Variants in NAALADL2 observed in about 807,000 individuals in gnomAD.
NAALADL2 encodes inactive N-acetylated-alpha-linked acidic dipeptidase-like protein 2.
In NAALADL2, 76 loss-of-function variants were observed where a neutral mutation model predicts 87.2. The ratio of observed to expected loss-of-function variants is 0.87; its 90% CI spans 0.72 to 1.05. NAALADL2 has a LOEUF of 1.05. NAALADL2 is among the 50% of genes least tolerant of loss of function. The pLI, the probability that NAALADL2 is intolerant of heterozygous loss-of-function variation, is 0.00. For missense variants in NAALADL2, 1,089 were observed against 945.8 expected (o/e 1.15, Z -1.99); for synonymous variants, 354 against 331.0 (o/e 1.07, Z -0.75).
chr3:174,939,953 A>G (rs1738312160), intron 1 of NAALADL2, among the ~76,000 whole-genome samples: 1 of 152,132 alleles, frequency 6.6e-6, no homozygotes, highest in Admixed American at 6.6e-5. Context: ...ATCTGCAAAT[A>G]GAAATAGCTT....
chr3:175,414,057 G>A (rs1311683534), intron 5 of NAALADL2, among the ~76,000 whole-genome samples: 1 of 152,030 alleles, frequency 6.6e-6, no homozygotes, highest in East Asian at 1.9e-4. Flanking sequence ...TTCCCCATTG[G>A]CTAAATGGCT....
chr3:175,770,420 C>G (rs758471246), intron 13 of NAALADL2, among the ~76,000 whole-genome samples: 1 of 152,148 alleles, frequency 6.6e-6, no homozygotes. Context: ...GGCGAGATTA[C>G]TTTTGTTATG....
chr3:174,804,848 T>C (rs917530390), intron 3 of NAALADL2, among the ~76,000 whole-genome samples: 3 of 152,186 alleles, frequency 2.0e-5, no homozygotes, highest in Non-Finnish European at 4.4e-5. Context: ...TTTGTATTAA[T>C]ATATTTATTA....
intron 1 of NAALADL2, among the ~76,000 whole-genome samples, chr3:174,880,515 A>G (rs1729064569): frequency 6.6e-6 from 1 of 151,964 alleles, no homozygotes; most frequent in Non-Finnish European, 1.5e-5. Context: ...TCTTGTTTGC[A>G]ATATCTGACT....
intron 5 of NAALADL2, among the ~76,000 whole-genome samples, chr3:175,335,509 T>C (rs1761885231): frequency 6.6e-6 from 1 of 152,252 alleles, no homozygotes; most frequent in Non-Finnish European, 1.5e-5. Flanking sequence ...GTATGCTTCA[T>C]GAATTCTTTT....
chr3:174,488,951 A>C (rs1718022412), intron 1 of NAALADL2, among the ~76,000 whole-genome samples: 1 of 151,988 alleles, frequency 6.6e-6, no homozygotes, highest in Non-Finnish European at 1.5e-5. Context: ...ACCATTGCCC[A>C]GTTGTGAGAT....
intron 5 of NAALADL2, among the ~76,000 whole-genome samples, chr3:175,398,989 C>A (rs190043253): frequency 6.6e-6 from 1 of 150,984 alleles, no homozygotes; most frequent in Admixed American, 6.6e-5. Context: ...AGAGCATTCT[C>A]GAAAGTAAGA....
In NAALADL2 at chr3:175,199,487, T is replaced by A. The variant is rs150784790; in HGVS notation, c.546-34444T>A. ...AATATGTAAATAATGTTTGCAGGCA[T>A]CCAAGGGATGAGACTGTGTGTGTGC... On this transcript the variant is annotated intron_variant, in intron 2 of 13. Coordinates refer to ENST00000454872, the MANE Select transcript of NAALADL2 (RefSeq NM_207015.3). Among the ~76,000 whole-genome samples, 123 of 152,112 alleles carry A rather than the reference T, an allele frequency of 8.1e-4. No homozygotes were observed. The East Asian group carries it at 0.023, about 29-fold the overall frequency.
At chr3:175,716,594 T>C (rs1278690568) in intron 11 of NAALADL2, among the ~76,000 whole-genome samples, 1 of 151,940 alleles carries the variant, frequency 6.6e-6, no homozygotes, top group Non-Finnish European at 1.5e-5. Flanking sequence ...GAAAAGTACA[T>C]GCAAATTCAT....
chr3:174,511,301 T>C (rs1433063402), intron 1 of NAALADL2, among the ~76,000 whole-genome samples: 2 of 152,022 alleles, frequency 1.3e-5, no homozygotes, highest in Non-Finnish European at 2.9e-5. Flanking sequence ...TAGTTCTCTT[T>C]AAGTTCTGTA....
chr3:174,682,699 C>A (rs959838491), intron 2 of NAALADL2, among the ~76,000 whole-genome samples: 2 of 152,120 alleles, frequency 1.3e-5, no homozygotes, highest in Non-Finnish European at 2.9e-5. Context: ...TGTGGTGGCC[C>A]CTAATGCAGA....
chr3:174,888,228 G>T (rs763858547), intron 1 of NAALADL2, among the ~76,000 whole-genome samples: 9 of 152,212 alleles, frequency 5.9e-5, no homozygotes, highest in Non-Finnish European at 1.3e-4. Flanking sequence ...GCTGTGCAAT[G>T]ATGTCGTGGA....
intron 2 of NAALADL2, among the ~76,000 whole-genome samples, chr3:175,180,163 A>G (rs1222690767): frequency 6.6e-6 from 1 of 151,956 alleles, no homozygotes; most frequent in Non-Finnish European, 1.5e-5. Context: ...TGATTTAGAT[A>G]ACTGAATTCG....
chr3:175,533,812 T>C (rs1041411621), intron 9 of NAALADL2, among the ~76,000 whole-genome samples: 2 of 152,140 alleles, frequency 1.3e-5, no homozygotes, highest in African/African-American at 4.8e-5. Context: ...AGGCCAATCT[T>C]AGCAGATTTG....
chr3:175,798,460 TG>T (rs1469163724), intron 13 of NAALADL2, among the ~76,000 whole-genome samples: 4 of 152,026 alleles, frequency 2.6e-5, no homozygotes, highest in Admixed American at 6.6e-5. Flanking sequence ...ATGTAGCATA[TG>T]GAAAATGTGT....
intron 2 of NAALADL2, among the ~76,000 whole-genome samples, chr3:175,100,632 G>C (rs928155348): frequency 6.6e-6 from 1 of 152,078 alleles, no homozygotes; most frequent in Non-Finnish European, 1.5e-5. Flanking sequence ...GAGGTCAGGA[G>C]TTCAAGACCA....
At chr3:175,074,901 G>A (rs1716310666) in intron 1 of NAALADL2, among the ~76,000 whole-genome samples, 1 of 150,940 alleles carries the variant, frequency 6.6e-6, no homozygotes, top group South Asian at 2.1e-4. Context: ...GTAAGGAGAT[G>A]AAGAGCAGAG....
At chr3:174,859,872 G>A (rs1440800580) in intron 1 of NAALADL2, among the ~76,000 whole-genome samples, 1 of 152,072 alleles carries the variant, frequency 6.6e-6, no homozygotes, top group East Asian at 1.9e-4. Flanking sequence ...CATCTCTGGA[G>A]TTTACCAGCT....
intron 12 of NAALADL2, among the ~76,000 whole-genome samples, chr3:175,745,365 C>T (rs1745783139): frequency 6.6e-6 from 1 of 152,134 alleles, no homozygotes; most frequent in Non-Finnish European, 1.5e-5. Flanking sequence ...TGTATTAATA[C>T]TTGTGACAAA....
Sources: gnomAD v4.1 joint callset for allele counts (sites outside exome capture counted in the v4.1 genomes callset) on GRCh38, gnomAD v4.1.1 for gene constraint, MANE v1.5 for transcripts, NCBI Gene and HGNC (gene_info 2026-07-23, HGNC 2026-07-21) for gene names.